The following SUGCT variants were observed in gnomAD, a reference collection of about 807,000 sequenced individuals.
The protein encoded by SUGCT is succinyl-CoA:glutarate CoA-transferase.
Under a neutral mutation model 55.0 loss-of-function variants are expected in SUGCT, and 41 were observed. That is an observed-to-expected ratio of 0.74 (90% CI 0.58 to 0.97). The LOEUF (loss-of-function observed/expected upper bound fraction) is 0.97, where lower values mean the gene tolerates loss of function less well. Among genes scored for constraint, SUGCT ranks in the 50% least tolerant of loss-of-function variants. SUGCT has a pLI of 0.00. For missense variants in SUGCT, 568 were observed against 547.8 expected (o/e 1.04, Z -0.37); for synonymous variants, 187 against 200.4 (o/e 0.93, Z 0.56).
At chr7:40,357,275 A>G (rs756860955) in intron 9 of SUGCT, among the ~76,000 whole-genome samples, 10 of 152,336 alleles carry the variant, frequency 6.6e-5, no homozygotes, top group Admixed American at 3.3e-4. Context: ...CCTTTAGCAC[A>G]GCTATAATGT....
intron 13 of SUGCT, among the ~76,000 whole-genome samples, chr7:40,759,959 A>C (rs1405725540): frequency 1.3e-5 from 2 of 152,146 alleles, no homozygotes; most frequent in Non-Finnish European, 2.9e-5. Context: ...ATATAAGTGT[A>C]AATGCACCAA....
At chr7:40,548,672 A>T (rs10228522) in intron 12 of SUGCT, among the ~76,000 whole-genome samples, 6,301 of 152,008 alleles carry the variant, frequency 0.041, 425 homozygotes, top group African/African-American at 0.14. Flanking sequence ...ACCTACATTG[A>T]CCCATCCTTA....
intron 1 of SUGCT, among the ~76,000 whole-genome samples, chr7:40,155,855 A>ATTTTT (rs1369761947): frequency 7.5e-6 from 1 of 132,502 alleles, no homozygotes; most frequent in African/African-American, 2.8e-5. Flanking sequence ...GATACCTAAG[A>ATTTTT]TTTTTTTTTT....
chr7:40,647,406 C>T (rs1800573317), intron 12 of SUGCT, among the ~76,000 whole-genome samples: 1 of 152,080 alleles, frequency 6.6e-6, no homozygotes, highest in African/African-American at 2.4e-5. Context: ...ATCAGATACT[C>T]CATAGGAAAT....
intron 13 of SUGCT, among the ~76,000 whole-genome samples, chr7:40,788,363 A>C (rs1115715): frequency 0.34 from 51,813 of 152,048 alleles, 9,003 homozygotes; most frequent in South Asian, 0.44. Context: ...AGAAAATCTC[A>C]GCTTGAATGG....
chr7:40,335,519 G>A (rs912531399), intron 9 of SUGCT, among the ~76,000 whole-genome samples: 15 of 152,078 alleles, frequency 9.9e-5, no homozygotes, highest in African/African-American at 3.1e-4. Flanking sequence ...AATTGTGAAT[G>A]GGAGTTCACT....
intron 6 of SUGCT, among the ~76,000 whole-genome samples, chr7:40,216,810 T>C (rs995174016): frequency 2.7e-5 from 4 of 150,164 alleles, no homozygotes; most frequent in African/African-American, 9.8e-5. Context: ...GAGCTGAGAG[T>C]GCGCCATTGC....
intron 13 of SUGCT, among the ~76,000 whole-genome samples, chr7:40,834,646 T>C (rs1426000551): frequency 6.6e-6 from 1 of 152,170 alleles, no homozygotes; most frequent in Non-Finnish European, 1.5e-5. Flanking sequence ...CACTTAATTT[T>C]GGCACAAGTT....
At chr7:41,034,532 G>A in the SUGCT span, among the ~76,000 whole-genome samples, 52 of 152,322 alleles carry the variant, frequency 3.4e-4, no homozygotes, top group African/African-American at 1.3e-3. Context: ...ACCCACAGAA[G>A]CGAGCTGATG....
chr7:40,400,689 C>T (rs1384488223), intron 9 of SUGCT, among the ~76,000 whole-genome samples: 1 of 152,174 alleles, frequency 6.6e-6, no homozygotes, highest in Non-Finnish European at 1.5e-5. Context: ...ATCTAACCAC[C>T]TACCAGAGTA....
At chr7:40,226,921 C>A (rs1316643513) in intron 6 of SUGCT, among the ~76,000 whole-genome samples, 1 of 148,746 alleles carries the variant, frequency 6.7e-6, no homozygotes, top group South Asian at 2.1e-4. Flanking sequence ...AACAAACAAA[C>A]AAAAAATTTA....
the SUGCT span, among the ~76,000 whole-genome samples, chr7:40,919,949 C>T: frequency 3.3e-5 from 5 of 152,298 alleles, no homozygotes; most frequent in East Asian, 5.8e-4. Flanking sequence ...TGCCTGAACA[C>T]ATCTTGCTGA....
At chr7:40,455,683 A>T (rs955212701) in intron 10 of SUGCT, among the ~76,000 whole-genome samples, 1 of 152,236 alleles carries the variant, frequency 6.6e-6, no homozygotes, top group African/African-American at 2.4e-5. Flanking sequence ...AGAAATTGTG[A>T]AACCTCACAT....
intron 11 of SUGCT, among the ~76,000 whole-genome samples, chr7:40,480,010 C>T (rs1790934957): frequency 6.6e-6 from 1 of 152,004 alleles, no homozygotes; most frequent in African/African-American, 2.4e-5. Flanking sequence ...TGTACAGAGA[C>T]TTTTTAGTTT....
chr7:40,778,359 C>A (rs1789566951), intron 13 of SUGCT, among the ~76,000 whole-genome samples: 1 of 152,184 alleles, frequency 6.6e-6, no homozygotes, highest in Non-Finnish European at 1.5e-5. Flanking sequence ...TAGCCATTTC[C>A]AAAGCTAGCT....
chr7:40,579,544 A>G (rs1365273382), intron 12 of SUGCT, among the ~76,000 whole-genome samples: 12 of 152,316 alleles, frequency 7.9e-5, no homozygotes, highest in Admixed American at 7.8e-4. Context: ...AGCCAGACAG[A>G]CACATGAAAG....
intron 9 of SUGCT, among the ~76,000 whole-genome samples, chr7:40,339,608 G>A (rs368966478): frequency 1.3e-5 from 2 of 152,182 alleles, no homozygotes; most frequent in South Asian, 2.1e-4. Context: ...TGCAGTATTA[G>A]GGTGGGAGTG....
chr7:40,284,608 C>CAAA (rs35152488), intron 8 of SUGCT, among the ~76,000 whole-genome samples: 192 of 108,150 alleles, frequency 1.8e-3, no homozygotes, highest in Middle Eastern at 5.3e-3. Context: ...ATTCCATTTC[C>CAAA]AAAAAAAAAA....
chr7:40,518,437 T>G (rs1265292302), intron 12 of SUGCT, among the ~76,000 whole-genome samples: 2 of 152,144 alleles, frequency 1.3e-5, no homozygotes, highest in Non-Finnish European at 2.9e-5. Context: ...CCAGATTACT[T>G]ATGTTGTAGA....
Sources: allele counts gnomAD v4.1 joint callset (sites outside exome capture counted in the v4.1 genomes callset), GRCh38; gene constraint gnomAD v4.1.1; transcripts MANE v1.5; gene names NCBI Gene and HGNC (gene_info 2026-07-23, HGNC 2026-07-21).